Variants in UVRAG observed in about 807,000 individuals in gnomAD.
UVRAG encodes the protein UV radiation resistance-associated gene protein.
A neutral mutation model predicts 78.0 loss-of-function variants in UVRAG; 19 were observed. The observed-to-expected ratio is 0.24, with a 90% CI of 0.17 to 0.36. UVRAG has a LOEUF of 0.36. Among genes scored for constraint, UVRAG ranks in the 10% least tolerant of loss-of-function variants. The probability of loss-of-function intolerance (pLI) is 1.00; values close to 1 mark genes in which losing one functional copy is unlikely to be tolerated. For missense variants in UVRAG, 740 were observed against 853.8 expected, an observed-to-expected ratio of 0.87 and a Z score of 1.66; for synonymous variants, 323 against 324.6, an observed-to-expected ratio of 1.00 and a Z score of 0.05.
At chr11:75,840,598 T>C (rs1945888210) in intron 1 of UVRAG, among the ~76,000 whole-genome samples, 1 of 152,210 alleles carries the variant, frequency 6.6e-6, no homozygotes, top group African/African-American at 2.4e-5. Context: ...TTCAGACTGA[T>C]TTGAACTTGG....
intron 3 of UVRAG, among the ~76,000 whole-genome samples, chr11:75,878,786 G>C (rs987201058): frequency 1.3e-5 from 2 of 152,004 alleles, no homozygotes; most frequent in African/African-American, 4.8e-5. Flanking sequence ...AGGCAGGGAG[G>C]TTGCAGTGAG....
chr11:76,028,267 C>CAGCT (rs1377191669), intron 12 of UVRAG, among the ~76,000 whole-genome samples: 1 of 151,974 alleles, frequency 6.6e-6, no homozygotes, highest in Non-Finnish European at 1.5e-5. Context: ...CTCCACTGAC[C>CAGCT]AGCTCTTCCC....
At chr11:76,030,835 A>G (rs191097749) in intron 12 of UVRAG, among the ~76,000 whole-genome samples, 7 of 152,262 alleles carry the variant, frequency 4.6e-5, no homozygotes, top group Middle Eastern at 3.4e-3. Context: ...CCTGTGAACT[A>G]TTCTCTCTAT....
At chr11:76,037,846 A>C (rs941671198) in intron 12 of UVRAG, among the ~76,000 whole-genome samples, 2 of 152,328 alleles carry the variant, frequency 1.3e-5, no homozygotes, top group East Asian at 3.9e-4. Context: ...CCTGGTGTAC[A>C]TGTCCGTATA....
At chr11:75,967,679 A>C (rs1390217443) in intron 7 of UVRAG, among the ~76,000 whole-genome samples, 1 of 152,228 alleles carries the variant, frequency 6.6e-6, no homozygotes, top group Non-Finnish European at 1.5e-5. Flanking sequence ...AGGTTTAATT[A>C]GCATTACATT....
intron 12 of UVRAG, among the ~76,000 whole-genome samples, chr11:76,051,394 TA>T (rs939356104): frequency 1.3e-5 from 2 of 152,126 alleles, no homozygotes; most frequent in African/African-American, 4.8e-5. Context: ...AATTGACTAT[TA>T]AAAAAAGACA....
chr11:76,002,536 G>A (rs1949835131), intron 8 of UVRAG, among the ~76,000 whole-genome samples: 1 of 152,086 alleles, frequency 6.6e-6, no homozygotes, highest in African/African-American at 2.4e-5. Context: ...TAAATTATCT[G>A]GGATGAAGAA....
intron 1 of UVRAG, among the ~76,000 whole-genome samples, chr11:75,836,153 C>T (rs979012767): frequency 7.2e-5 from 11 of 151,764 alleles, no homozygotes; most frequent in Non-Finnish European, 1.0e-4. Flanking sequence ...TACTGCAGAA[C>T]CAGAAAGGAC....
At chr11:76,069,463 A>C (rs559802508) in intron 13 of UVRAG, among the ~76,000 whole-genome samples, 2 of 152,388 alleles carry the variant, frequency 1.3e-5, no homozygotes, top group South Asian at 4.1e-4. Context: ...ATTCAGGTGC[A>C]GTATAATTGA....
intron 3 of UVRAG, among the ~76,000 whole-genome samples, chr11:75,867,313 C>A (rs570188118): frequency 6.6e-6 from 1 of 152,354 alleles, no homozygotes; most frequent in Non-Finnish European, 1.5e-5. Flanking sequence ...CTCTCCTCCC[C>A]TCTCCAGTCG....
chr11:76,065,933 G>T (rs1398224353), intron 13 of UVRAG, 145 bp downstream of exon 13: 11 of 621,248 alleles, frequency 1.8e-5, no homozygotes, highest in African/African-American at 1.3e-4. Flanking sequence ...TCTTTTTTTT[G>T]ATCACAGTCT....
At chr11:76,073,193 G>T (rs934773843) in intron 13 of UVRAG, among the ~76,000 whole-genome samples, 3 of 152,136 alleles carry the variant, frequency 2.0e-5, no homozygotes, top group South Asian at 2.1e-4. Flanking sequence ...AATATTCTGT[G>T]TGTTGGAAAG....
intron 3 of UVRAG, among the ~76,000 whole-genome samples, chr11:75,867,496 T>C (rs1383701742): frequency 6.6e-6 from 1 of 152,228 alleles, no homozygotes; most frequent in African/African-American, 2.4e-5. Flanking sequence ...AATATTCCAT[T>C]ATGTGAAATC....
In UVRAG at chr11:76,140,469, C is replaced by T. The variant is rs533318491; in HGVS notation, c.1398-242C>T. Among the ~76,000 whole-genome samples, 18 of 152,254 alleles carry T rather than the reference C, an allele frequency of 1.2e-4. No individual in the cohort carries two copies. The East Asian group carries it at 3.5e-3, about 29-fold the overall frequency. On this transcript the variant is annotated intron_variant, in intron 14 of 14. Transcript: ENST00000356136. ...TTTCTGTTCCCTGCCCTGCCTTGGG[C>T]CCTCTTCTCTAAATATATTGCAGTG... is the stretch of plus-strand genomic sequence containing the variant.
intron 5 of UVRAG, among the ~76,000 whole-genome samples, chr11:75,903,629 G>C (rs1212313111): frequency 1.3e-5 from 2 of 152,154 alleles, no homozygotes; most frequent in East Asian, 3.8e-4. Context: ...TGCAGTCTTT[G>C]ATGTTCCTGC....
chr11:75,826,274 G>A (rs1022670329), intron 1 of UVRAG, among the ~76,000 whole-genome samples: 7 of 152,032 alleles, frequency 4.6e-5, no homozygotes, highest in Non-Finnish European at 1.0e-4. Flanking sequence ...TCCTGCCTCA[G>A]CCTCCAGAGT....
At chr11:76,063,214 A>G (rs568620861) in intron 12 of UVRAG, among the ~76,000 whole-genome samples, 1 of 152,246 alleles carries the variant, frequency 6.6e-6, no homozygotes. Flanking sequence ...CTTGGAGCCT[A>G]CAGTATCATA....
chr11:75,866,829 C>T (rs11822610), intron 3 of UVRAG, among the ~76,000 whole-genome samples: 10,014 of 152,176 alleles, frequency 0.066, 453 homozygotes, highest in African/African-American at 0.13. Flanking sequence ...CTGTAAGACT[C>T]ACTGTTATTT....
At chr11:76,056,486 T>A (rs1950986711) in intron 12 of UVRAG, among the ~76,000 whole-genome samples, 1 of 152,256 alleles carries the variant, frequency 6.6e-6, no homozygotes. Flanking sequence ...ATAAGAGTTC[T>A]GGTTGCTCCA....
Sources: allele counts gnomAD v4.1 joint callset (sites outside exome capture counted in the v4.1 genomes callset), GRCh38; gene constraint gnomAD v4.1.1; transcripts MANE v1.5; gene names NCBI Gene and HGNC (gene_info 2026-07-23, HGNC 2026-07-21).